The following SYCP2 variants were observed in gnomAD, a reference collection of about 807,000 sequenced individuals.
The protein encoded by SYCP2 is synaptonemal complex protein 2.
In SYCP2, 55 loss-of-function variants were observed where a neutral mutation model predicts 211.3. The ratio of observed to expected loss-of-function variants is 0.26; its 90% CI spans 0.21 to 0.33. The LOEUF is 0.33. Ranked by LOEUF, SYCP2 falls within the 10% of genes least tolerant of loss-of-function variation. SYCP2 has a pLI of 1.00. For synonymous variants in SYCP2, 570 were observed against 555.2 expected, an observed-to-expected ratio of 1.03 and a Z score of -0.37; for missense variants, 1,731 against 1,752.0, an observed-to-expected ratio of 0.99 and a Z score of 0.21.
At position 59,907,540 on chromosome 20, in the gene SYCP2, A is replaced by G. The variant is rs1412854748; in HGVS notation, c.973-116T>C. ...AATTCTTTTTGCTAGTCACTAAGTA[A>G]CTAGTTTATATAACACCTTTCTTGC... is the stretch of plus-strand genomic sequence containing the variant. On this transcript the variant is annotated intron_variant, in intron 14 of 44. Coordinates refer to ENST00000357552, the MANE Select transcript of SYCP2 (RefSeq NM_014258.4). 1.6e-5 allele frequency: 12 copies of G among 734,634 alleles called. No individual in the cohort carries two copies. The East Asian group carries it at 3.3e-4, about 20-fold the overall frequency. 45.5% of individuals were successfully genotyped at this position (734,634 alleles called of 1,614,324 possible). A position where few individuals can be genotyped will look rare whatever the true frequency, so the allele number is the denominator to read the frequency against.
intron 31 of SYCP2, 69 bp from the exon 32 acceptor site, chr20:59,878,114 TC>T: frequency 1.0e-6 from 1 of 1,003,350 alleles, no homozygotes; most frequent in Non-Finnish European, 1.5e-6. Flanking sequence ...TATTAGAACA[TC>T]ATTTCAGCAT....
At chr20:59,903,688 C>A (rs6015598) in intron 15 of SYCP2, among the ~76,000 whole-genome samples, 1 of 152,018 alleles carries the variant, frequency 6.6e-6, no homozygotes. Context: ...GTATTCTTAC[C>A]TGAAAAATTC....
chr20:59,870,960 A>C (rs2059441601), intron 35 of SYCP2, among the ~76,000 whole-genome samples: 1 of 151,816 alleles, frequency 6.6e-6, no homozygotes, highest in Non-Finnish European at 1.5e-5. Flanking sequence ...AAATAAGAAA[A>C]TATTTTTATG....
At chr20:59,923,958 A>T (rs968441082) in intron 2 of SYCP2, among the ~76,000 whole-genome samples, 3 of 151,890 alleles carry the variant, frequency 2.0e-5, no homozygotes, top group African/African-American at 7.2e-5. Flanking sequence ...TACTCTGAAG[A>T]AGTAAGAATG....
intron 16 of SYCP2, among the ~76,000 whole-genome samples, 165 bp downstream of exon 16, chr20:59,901,497 A>T (rs1045228810): frequency 1.8e-4 from 28 of 152,120 alleles, no homozygotes; most frequent in Non-Finnish European, 2.5e-4. Context: ...GGGTATCTCA[A>T]TAGATATGAC....
chr20:59,867,647 T>G, intron 39 of SYCP2, 64 bp downstream of exon 39: 1 of 1,408,386 alleles, frequency 7.1e-7, no homozygotes, highest in Non-Finnish European at 9.8e-7. Context: ...GCCAATGGTC[T>G]AGTAGAAAGT....
chr20:59,897,626 T>C (rs2060034578), intron 18 of SYCP2, among the ~76,000 whole-genome samples: 1 of 152,106 alleles, frequency 6.6e-6, no homozygotes, highest in Admixed American at 6.6e-5. Flanking sequence ...ATGTGCTAAT[T>C]ATCTCGGGGA....
chr20:59,920,601 C>CA (rs2060523285), intron 4 of SYCP2, 114 bp from the exon 5 acceptor site: 4 of 845,454 alleles, frequency 4.7e-6, no homozygotes, highest in Non-Finnish European at 7.4e-6. Context: ...GAAAGATGGT[C>CA]ATTTTAATCA....
At chr20:59,917,997 C>T (rs566314527) in intron 7 of SYCP2, among the ~76,000 whole-genome samples, 1 of 152,178 alleles carries the variant, frequency 6.6e-6, no homozygotes, top group Non-Finnish European at 1.5e-5. Context: ...CAAAGGTGAA[C>T]ATCATTCACT....
At chr20:59,871,192 C>G (rs1161179579) in intron 35 of SYCP2, among the ~76,000 whole-genome samples, 1 of 151,624 alleles carries the variant, frequency 6.6e-6, no homozygotes. Context: ...AATAAGAAAA[C>G]AAACAGGAAA....
At chr20:59,890,607 T>C (rs1289458537) in intron 24 of SYCP2, among the ~76,000 whole-genome samples, 1 of 151,520 alleles carries the variant, frequency 6.6e-6, no homozygotes, top group African/African-American at 2.4e-5. Flanking sequence ...GGTAGGTAGG[T>C]AGAGACAGTG....
chr20:59,920,598 G>A, intron 4 of SYCP2, 111 bp from the exon 5 acceptor site: 2 of 916,326 alleles, frequency 2.2e-6, no homozygotes, highest in Non-Finnish European at 3.3e-6. Context: ...CCTGAAAGAT[G>A]GTCATTTTAA....
At chr20:59,914,843 CTAT>C (rs953087769) in intron 10 of SYCP2, among the ~76,000 whole-genome samples, 4 of 151,812 alleles carry the variant, frequency 2.6e-5, no homozygotes, top group Non-Finnish European at 5.9e-5. Flanking sequence ...TTATATTAAG[CTAT>C]TATATTAATC....
intron 26 of SYCP2, chr20:59,885,112 C>T (rs2059761002): frequency 6.6e-6 from 1 of 151,896 alleles, no homozygotes; most frequent in African/African-American, 2.4e-5. Flanking sequence ...CTTCAGGAAA[C>T]CTCAAGTTAT....
At chr20:59,881,876 G>GTAA in intron 28 of SYCP2, 69 bp downstream of exon 28, 2 of 1,254,934 alleles carry the variant, frequency 1.6e-6, no homozygotes, top group Non-Finnish European at 2.3e-6. Context: ...AACATTCTAT[G>GTAA]TAATAACTGC....
chr20:59,908,451 G>C (rs1452534086), intron 14 of SYCP2, among the ~76,000 whole-genome samples: 1 of 151,948 alleles, frequency 6.6e-6, no homozygotes, highest in Non-Finnish European at 1.5e-5. Context: ...GGATCAGGAG[G>C]AAAGGGACAG....
intron 18 of SYCP2, among the ~76,000 whole-genome samples, chr20:59,897,442 T>G (rs1371229280): frequency 3.3e-5 from 5 of 152,214 alleles, no homozygotes; most frequent in Non-Finnish European, 2.9e-5. Flanking sequence ...CAGTTCATCC[T>G]TATTGAAAAC....
rs768922953 is a variant in SYCP2 at position 59,920,361 on chromosome 20, T to G, written c.295A>C (p.Lys99Gln). 6.2e-7 allele frequency: 1 copy of G among 1,602,180 alleles called. No homozygotes were observed. Among genetic ancestry groups the G allele is most frequent in the South Asian group, 1.1e-5 (1 of 89,684 alleles). The change falls in exon 5 of 45, where the codon AAG (lysine) becomes CAG (glutamine). Residue 99 changes from lysine (K) to glutamine (Q), a missense_variant and splice_region_variant. Lys to Gln is a moderately conservative substitution (Grantham distance 53). Transcript: ENST00000357552. ...TATGTTACATATTCTATACTTATCT[T>G]TTGTATTAGTCCTTGTTTTATCATC... is the stretch of plus-strand genomic sequence containing the variant. ...LTMIKQGLIQKMVAWFEKSKD... is the reference protein window; with the variant it reads ...LTMIKQGLIQQMVAWFEKSKD...
intron 13 of SYCP2, 159 bp from the exon 14 acceptor site, chr20:59,912,004 C>A (rs2060340655): frequency 6.7e-6 from 3 of 447,798 alleles, no homozygotes; most frequent in South Asian, 1.2e-4. Context: ...TAAAAACAAT[C>A]AAATGAAATG....
Sources: gnomAD v4.1 joint callset for allele counts (sites outside exome capture counted in the v4.1 genomes callset) on GRCh38, gnomAD v4.1.1 for gene constraint, MANE v1.5 for transcripts, NCBI Gene and HGNC (gene_info 2026-07-23, HGNC 2026-07-21) for gene names.